IMPG2: variants seen among roughly 807,000 people sequenced by gnomAD.
IMPG2 encodes the protein interphotoreceptor matrix proteoglycan 2, also known as IPM 200.
A neutral mutation model predicts 129.2 loss-of-function variants in IMPG2; 91 were observed. The observed-to-expected ratio is 0.70, with a 90% CI of 0.59 to 0.84. The LOEUF (loss-of-function observed/expected upper bound fraction) is 0.84. Among genes scored for constraint, IMPG2 ranks in the 40% least tolerant of loss-of-function variants. The pLI is 0.00. For missense variants in IMPG2, 1,430 were observed against 1,461.7 expected (o/e 0.98, Z 0.35); for synonymous variants, 510 against 517.7 (o/e 0.99, Z 0.20).
chr3:101,230,919 A>G (rs1576742525), intron 16 of IMPG2, 38 bp downstream of exon 16: 7 of 1,568,164 alleles, frequency 4.5e-6, no homozygotes, highest in East Asian at 4.5e-5. Context: ...TGTAAATGGA[A>G]CATTGTATTC....
chr3:101,228,527 G>T (rs1431941669), intron 18 of IMPG2, among the ~76,000 whole-genome samples: 1 of 152,166 alleles, frequency 6.6e-6, no homozygotes, highest in Non-Finnish European at 1.5e-5. Flanking sequence ...TCTGCCACTG[G>T]CTATCACTGT....
intron 14 of IMPG2, among the ~76,000 whole-genome samples, chr3:101,242,098 G>GGA (rs143913320): frequency 1.3e-3 from 198 of 150,626 alleles, no homozygotes; most frequent in East Asian, 2.9e-3. Flanking sequence ...TTACATTTAT[G>GGA]GAGAGAGAGA....
Position 101,275,674 on chromosome 3 carries a change from G to A in IMPG2, c.655C>T (p.Pro219Ser). ...AGAGCATCACTCACACTCTCCTCTG[G>A]CCTTTCCAAGCTGCTCTCTGAGGCA... Reference protein sequence around the residue: ...EGASESSLERPEESISNEIEN... With the variant: ...EGASESSLERSEESISNEIEN... Residue 219 changes from proline (P) to serine (S), a missense_variant, in exon 6 of 19, where the codon CCA becomes TCA. Physicochemically the swap from Pro to Ser is moderately conservative, Grantham distance 74. Coordinates refer to ENST00000193391, the MANE Select transcript of IMPG2 (RefSeq NM_016247.4). 1.9e-6 allele frequency: 3 copies of A among 1,611,290 alleles called. No homozygotes were observed. Among genetic ancestry groups the A allele is most frequent in the Non-Finnish European group, 2.5e-6 (3 of 1,177,486 alleles).
chr3:101,238,730 G>A (rs1188226940), intron 14 of IMPG2, among the ~76,000 whole-genome samples: 1 of 152,060 alleles, frequency 6.6e-6, no homozygotes, highest in African/African-American at 2.4e-5. Context: ...CACTAAATAT[G>A]GAAAGGAAAA....
rs145795995 is a variant in IMPG2 at position 101,247,788 on chromosome 3, T to C, written c.1240-1683A>G. 3.8e-3 allele frequency among the ~76,000 whole-genome samples: 585 copies of C among 152,288 alleles called. 4 individuals carry two copies. Among genetic ancestry groups the C allele is most frequent in the African/African-American group, 0.013 (558 of 41,564 alleles). On this transcript the variant is annotated intron_variant, in intron 11 of 18. Coordinates refer to ENST00000193391, the MANE Select transcript of IMPG2 (RefSeq NM_016247.4). ...CTGGGCATAATATTCCAGCCTGTGT[T>C]TCTAATGTACTTCTTCAATTGCTGA...
intron 2 of IMPG2, among the ~76,000 whole-genome samples, chr3:101,318,762 G>T (rs2058796940): frequency 1.3e-5 from 2 of 151,890 alleles, no homozygotes; most frequent in Non-Finnish European, 1.5e-5. Context: ...GCTTTTTATT[G>T]GTTCTTGAGC....
chr3:101,302,969 A>G (rs1274311217), intron 3 of IMPG2, among the ~76,000 whole-genome samples: 1 of 152,198 alleles, frequency 6.6e-6, no homozygotes, highest in East Asian at 1.9e-4. Flanking sequence ...ACTAAATGTT[A>G]AAAGAATATA....
chr3:101,257,854 A>G lies in IMPG2; in HGVS notation c.909-81T>C, dbSNP rs372033091. 1.4e-3 allele frequency: 2,028 copies of G among 1,490,598 alleles called. 42 individuals carry two copies. In the South Asian group the frequency reaches 0.022, roughly 16 times the overall value. The allele number at this position is 1,490,598 out of a possible 1,614,324, so 92.3% of individuals were successfully genotyped here. A position where few individuals can be genotyped will look rare whatever the true frequency, so the allele number is the denominator to read the frequency against. On this transcript the variant is annotated intron_variant, in intron 9 of 18. Transcript: ENST00000193391. ...AGCATTGAACCCATGAAGAACAAAC[A>G]TTGGACCTAGAGGGGGAGTCTCAAA... is the stretch of plus-strand genomic sequence containing the variant.
Position 101,232,841 on chromosome 3 carries a change from G to C in IMPG2, c.3173C>G (p.Pro1058Arg). 6.2e-7 allele frequency: 1 copy of C among 1,613,616 alleles called. No individual in the cohort carries two copies. The highest frequency in any genetic ancestry group is 8.5e-7 in the Non-Finnish European group (1 of 1,179,936). Residue 1058 changes from proline to arginine, a missense_variant, in exon 15 of 19, where the codon CCT becomes CGT. Transcript: ENST00000193391. ...RPCQSLCDLQ[P>R]DFCLNDGKCD... is the part of the protein sequence containing the mutation. ...CTTTCCATCATTCAAGCAGAAGTCA[G>C]GCTGTAGGTCACAGAGACTCTGACA...
intron 10 of IMPG2, among the ~76,000 whole-genome samples, chr3:101,256,209 GAAAGA>G (rs1325415990): frequency 1.6e-4 from 23 of 143,850 alleles, no homozygotes; most frequent in African/African-American, 6.0e-4. Context: ...AAGAAAGAAA[GAAAGA>G]AAGAAAAAAA....
At chr3:101,244,874 T>G in intron 12 of IMPG2, 87 bp from the exon 13 acceptor site, 1 of 1,161,884 alleles carries the variant, frequency 8.6e-7, no homozygotes, top group Admixed American at 1.9e-5. Flanking sequence ...GCCTGTTTTT[T>G]CCCTGTGAAG....
chr3:101,251,131 A>C (rs1224081598), intron 11 of IMPG2, among the ~76,000 whole-genome samples: 1 of 152,222 alleles, frequency 6.6e-6, no homozygotes, highest in African/African-American at 2.4e-5. Context: ...ATGCTTAAGA[A>C]ATTGAGTTTT....
chr3:101,227,042 A>G, intron 18 of IMPG2, 61 bp from the exon 19 acceptor site: 2 of 1,507,980 alleles, frequency 1.3e-6, no homozygotes, highest in Non-Finnish European at 9.2e-7. Flanking sequence ...ATAAAATGCA[A>G]TTACTGTCAT....
At chr3:101,287,551 A>G (rs1402475934) in intron 4 of IMPG2, among the ~76,000 whole-genome samples, 1 of 152,194 alleles carries the variant, frequency 6.6e-6, no homozygotes, top group East Asian at 1.9e-4. Flanking sequence ...CAAATAGACC[A>G]ATGGAACAGG....
chr3:101,234,148 A>G (rs994147877), intron 14 of IMPG2, among the ~76,000 whole-genome samples: 9 of 149,862 alleles, frequency 6.0e-5, no homozygotes, highest in Admixed American at 6.7e-5. Flanking sequence ...GCATTTGTAT[A>G]TGTAATCAAG....
chr3:101,270,384 G>A (rs1401711014), intron 7 of IMPG2, among the ~76,000 whole-genome samples: 1 of 152,110 alleles, frequency 6.6e-6, no homozygotes, highest in Non-Finnish European at 1.5e-5. Flanking sequence ...ACACCCAGAC[G>A]AGAGGCCTTG....
chr3:101,247,943 C>T (rs1389154210), intron 11 of IMPG2, among the ~76,000 whole-genome samples: 3 of 152,122 alleles, frequency 2.0e-5, no homozygotes, highest in Admixed American at 6.5e-5. Context: ...TGAATCGAAC[C>T]TCCTCCCCCT....
At chr3:101,264,169 T>A (rs1706698366) in intron 9 of IMPG2, among the ~76,000 whole-genome samples, 1 of 152,018 alleles carries the variant, frequency 6.6e-6, no homozygotes, top group African/African-American at 2.4e-5. Context: ...GAAGAATGAA[T>A]ACCAGTTCTT....
intron 14 of IMPG2, among the ~76,000 whole-genome samples, chr3:101,238,025 T>C (rs1253672233): frequency 6.6e-6 from 1 of 151,730 alleles, no homozygotes; most frequent in Non-Finnish European, 1.5e-5. Flanking sequence ...GAGAAGAACA[T>C]AAATGACCTG....
Sources: gnomAD v4.1 joint callset for allele counts (sites outside exome capture counted in the v4.1 genomes callset) on GRCh38, gnomAD v4.1.1 for gene constraint, MANE v1.5 for transcripts, NCBI Gene and HGNC (gene_info 2026-07-23, HGNC 2026-07-21) for gene names.